The following ELP4 variants were observed in gnomAD, a reference collection of about 807,000 sequenced individuals.
The protein encoded by ELP4 is elongator complex protein 4.
In ELP4, 51 loss-of-function variants were observed where a neutral mutation model predicts 48.9. The observed-to-expected ratio is 1.04, with a 90% CI of 0.83 to 1.32. The LOEUF is 1.32. Among genes scored for constraint, ELP4 ranks in the 40% most tolerant of loss-of-function variants. ELP4 has a pLI of 0.00. For missense variants in ELP4, 519 were observed against 514.6 expected (o/e 1.01, Z -0.08); for synonymous variants, 210 against 189.2 (o/e 1.11, Z -0.90).
intron 9 of ELP4, 52 bp from the exon 10 acceptor site, chr11:31,783,341 A>AT (rs746555516): frequency 5.1e-6 from 8 of 1,568,514 alleles, no homozygotes; most frequent in Admixed American, 3.5e-5. Context: ...AGCAAAATTA[A>AT]TTTTTTTTCT....
chr11:31,516,722 G>C (rs1415024025), intron 1 of ELP4, among the ~76,000 whole-genome samples: 1 of 152,158 alleles, frequency 6.6e-6, no homozygotes, highest in East Asian at 1.9e-4. Context: ...AAACTCTTGA[G>C]CTGAAGTGAT....
At chr11:31,641,577 C>T (rs756736563) in intron 7 of ELP4, among the ~76,000 whole-genome samples, 7 of 151,746 alleles carry the variant, frequency 4.6e-5, no homozygotes, top group Admixed American at 6.6e-5. Context: ...AAGGGGGGCA[C>T]CTTACATAAT....
At chr11:31,637,390 G>T (rs946146288) in intron 7 of ELP4, 1 of 151,846 alleles carries the variant, frequency 6.6e-6, no homozygotes, top group Admixed American at 6.6e-5. Context: ...AAGAAAAAAA[G>T]AAAAGGTTAC....
intron 3 of ELP4, among the ~76,000 whole-genome samples, chr11:31,581,090 A>G (rs1203157226): frequency 6.6e-6 from 1 of 152,178 alleles, no homozygotes; most frequent in African/African-American, 2.4e-5. Flanking sequence ...AATTCATCTC[A>G]AAACTTTCCA....
chr11:31,515,053 A>ATATATATATATATATATATATATATG (rs139261349), intron 1 of ELP4, among the ~76,000 whole-genome samples: 1 of 149,136 alleles, frequency 6.7e-6, no homozygotes, highest in African/African-American at 2.5e-5. Flanking sequence ...ATATATATAT[A>ATATATATATATATATATATATATATG]TATGTATAGG....
intron 9 of ELP4, among the ~76,000 whole-genome samples, chr11:31,661,270 T>C (rs187262889): frequency 8.1e-4 from 124 of 152,170 alleles, no homozygotes; most frequent in African/African-American, 2.9e-3. Context: ...CAAATAATGA[T>C]AAATTAACCT....
At chr11:31,569,080 A>G (rs1957155692) in intron 3 of ELP4, among the ~76,000 whole-genome samples, 1 of 151,228 alleles carries the variant, frequency 6.6e-6, no homozygotes, top group Non-Finnish European at 1.5e-5. Context: ...GTGAGACCCC[A>G]TCTCAAAAAA....
intron 3 of ELP4, among the ~76,000 whole-genome samples, chr11:31,553,108 C>G (rs1033783798): frequency 6.6e-6 from 1 of 152,188 alleles, no homozygotes; most frequent in South Asian, 2.1e-4. Context: ...TTCTCCATAA[C>G]CTTACTGTCA....
chr11:31,650,173 T>C lies in ELP4; in HGVS notation c.1095T>C (p.Asp365=), dbSNP rs146065596. The C allele has an allele frequency of 5.9e-5, 90 of 1,528,370 alleles. No individual in the cohort carries two copies. The highest frequency in any genetic ancestry group is 7.8e-5 in the Non-Finnish European group (86 of 1,109,392). The allele number at this position is 1,528,370 out of a possible 1,614,324, so 94.7% of individuals were successfully genotyped here. ...RLNNLICDES[D]VKDLAFKLKR... ...ATAACTTGATCTGTGATGAATCAGA[T>C]GTCAAAGACTTAGCTTTTAAATTAA... is the stretch of plus-strand genomic sequence containing the variant. Residue 365 remains aspartate (D), a synonymous_variant, in exon 9 of 10, where the codon GAT becomes GAC. Transcript: ENST00000640961.
chr11:31,722,424 A>C (rs951888690), intron 9 of ELP4, among the ~76,000 whole-genome samples: 2 of 152,172 alleles, frequency 1.3e-5, no homozygotes, highest in African/African-American at 4.8e-5. Flanking sequence ...GATGCTTACA[A>C]TTGACATTGT....
chr11:31,518,253 T>C (rs2133875586), intron 1 of ELP4, among the ~76,000 whole-genome samples: 1 of 151,850 alleles, frequency 6.6e-6, no homozygotes, highest in South Asian at 2.1e-4. Context: ...ATTACAGGCA[T>C]GGGCCACCAC....
intron 9 of ELP4, among the ~76,000 whole-genome samples, chr11:31,721,923 A>G (rs1172139214): frequency 1.3e-5 from 2 of 152,090 alleles, no homozygotes; most frequent in African/African-American, 2.4e-5. Flanking sequence ...CACCTTTACT[A>G]CTTACTCCCT....
At chr11:31,530,210 C>T (rs2133891957) in intron 2 of ELP4, among the ~76,000 whole-genome samples, 2 of 152,252 alleles carry the variant, frequency 1.3e-5, no homozygotes, top group Admixed American at 1.3e-4. Context: ...TGGACAGTTC[C>T]AAGTTTTAAT....
At chr11:31,561,898 A>G (rs142344033) in intron 3 of ELP4, among the ~76,000 whole-genome samples, 1 of 152,336 alleles carries the variant, frequency 6.6e-6, no homozygotes, top group African/African-American at 2.4e-5. Flanking sequence ...GATGGCTTTA[A>G]TTTTTGATAT....
intron 9 of ELP4, among the ~76,000 whole-genome samples, chr11:31,739,840 A>G (rs1246098731): frequency 6.6e-6 from 1 of 152,208 alleles, no homozygotes; most frequent in Non-Finnish European, 1.5e-5. Flanking sequence ...ACTGGCATCA[A>G]CCTTTCCATT....
chr11:31,733,202 A>G (rs1424138534), intron 9 of ELP4, among the ~76,000 whole-genome samples: 1 of 152,168 alleles, frequency 6.6e-6, no homozygotes, highest in African/African-American at 2.4e-5. Context: ...TAAAATGGGC[A>G]TGGTGGCCCA....
At chr11:31,732,922 CAA>C (rs1947224688) in intron 9 of ELP4, among the ~76,000 whole-genome samples, 3 of 152,078 alleles carry the variant, frequency 2.0e-5, no homozygotes, top group Admixed American at 2.0e-4. Context: ...ATAGATGAAG[CAA>C]ACAGTGACAG....
intron 9 of ELP4, among the ~76,000 whole-genome samples, chr11:31,770,962 G>T (rs1181405994): frequency 1.3e-5 from 2 of 152,000 alleles, no homozygotes; most frequent in African/African-American, 4.8e-5. Context: ...TAAGGGAGGA[G>T]AATTCTTAAA....
intron 7 of ELP4, among the ~76,000 whole-genome samples, chr11:31,639,898 T>C (rs1945056484): frequency 6.6e-6 from 1 of 152,018 alleles, no homozygotes; most frequent in African/African-American, 2.4e-5. Flanking sequence ...GTAGTTCCTA[T>C]AATGGTAGTA....
Sources: allele counts gnomAD v4.1 joint callset (sites outside exome capture counted in the v4.1 genomes callset), GRCh38; gene constraint gnomAD v4.1.1; transcripts MANE v1.5; gene names NCBI Gene and HGNC (gene_info 2026-07-23, HGNC 2026-07-21).